The following MYO1B variants were observed in gnomAD, a reference collection of about 807,000 sequenced individuals.
The protein encoded by MYO1B is unconventional myosin-Ib.
A neutral mutation model predicts 159.7 loss-of-function variants in MYO1B; 72 were observed. The observed-to-expected ratio is 0.45, with a 90% CI of 0.37 to 0.55. The LOEUF is 0.55. Ranked by LOEUF, MYO1B falls within the 20% of genes least tolerant of loss-of-function variation. MYO1B has a pLI of 0.00. For synonymous variants in MYO1B, 468 were observed against 473.8 expected, an observed-to-expected ratio of 0.99 and a Z score of 0.16; for missense variants, 1,062 against 1,364.8, an observed-to-expected ratio of 0.78 and a Z score of 3.50.
chr2:191,297,962 A>G (rs1689084172), intron 3 of MYO1B, among the ~76,000 whole-genome samples: 1 of 152,116 alleles, frequency 6.6e-6, no homozygotes, highest in Admixed American at 6.6e-5. Context: ...AGGTTGAGAA[A>G]CCCTGAAATG....
intron 21 of MYO1B, among the ~76,000 whole-genome samples, chr2:191,398,570 C>T (rs1200157465): frequency 1.0e-4 from 15 of 150,378 alleles, no homozygotes; most frequent in Admixed American, 1.3e-4. Flanking sequence ...CGGGCAGAGA[C>T]GCTCCTCACC....
intron 1 of MYO1B, 64 bp from the exon 2 acceptor site, chr2:191,276,823 T>C (rs1687779862): frequency 2.0e-6 from 3 of 1,529,738 alleles, no homozygotes; most frequent in Non-Finnish European, 2.6e-6. Flanking sequence ...TCTGCAGTAG[T>C]GCCAAGAACC....
At chr2:191,288,664 G>A (rs1244567323) in intron 2 of MYO1B, among the ~76,000 whole-genome samples, 2 of 152,160 alleles carry the variant, frequency 1.3e-5, no homozygotes, top group African/African-American at 4.8e-5. Flanking sequence ...TTTGCATAAA[G>A]TTAGCCCTTA....
chr2:191,318,466 G>A (rs1690493346), intron 3 of MYO1B, among the ~76,000 whole-genome samples: 1 of 152,178 alleles, frequency 6.6e-6, no homozygotes, highest in African/African-American at 2.4e-5. Context: ...ATAAAAATAT[G>A]TGTACTATGT....
intron 17 of MYO1B, 145 bp downstream of exon 17, chr2:191,387,595 T>C: frequency 1.3e-6 from 1 of 748,144 alleles, no homozygotes; most frequent in Non-Finnish European, 2.2e-6. Context: ...TATCTGGGAT[T>C]GGCTTAAAAA....
intron 27 of MYO1B, among the ~76,000 whole-genome samples, chr2:191,412,607 C>T (rs1486570404): frequency 6.6e-6 from 1 of 152,196 alleles, no homozygotes; most frequent in Non-Finnish European, 1.5e-5. Flanking sequence ...ACGCTGACCA[C>T]CTACGTGGAT....
chr2:191,260,254 C>CTGTTTTTTTTTTTTTTTTTTTTTTTTTT (rs1553528551), intron 1 of MYO1B, among the ~76,000 whole-genome samples: 1 of 60,962 alleles, frequency 1.6e-5, no homozygotes, highest in Non-Finnish European at 4.0e-5. Flanking sequence ...CCCAGATAGG[C>CTGTTTTTTTTTTTTTTTTTTTTTTTTTT]TTTTTTTTTT....
intron 3 of MYO1B, among the ~76,000 whole-genome samples, chr2:191,319,404 G>A (rs1690558278): frequency 1.3e-5 from 2 of 152,224 alleles, no homozygotes; most frequent in African/African-American, 4.8e-5. Flanking sequence ...AGTCTCTGAC[G>A]GGGCTTCTCT....
intron 2 of MYO1B, among the ~76,000 whole-genome samples, chr2:191,282,294 C>G (rs185165558): frequency 7.2e-5 from 11 of 152,240 alleles, no homozygotes; most frequent in Admixed American, 5.2e-4. Context: ...TTAGCTGAGT[C>G]CTCTATTCAG....
intron 3 of MYO1B, among the ~76,000 whole-genome samples, chr2:191,305,670 A>G (rs536888585): frequency 1.3e-5 from 2 of 152,318 alleles, no homozygotes; most frequent in African/African-American, 4.8e-5. Flanking sequence ...AGCAGCCATA[A>G]AAAAGGTGGG....
At chr2:191,258,546 A>G (rs934981220) in intron 1 of MYO1B, among the ~76,000 whole-genome samples, 4 of 152,222 alleles carry the variant, frequency 2.6e-5, no homozygotes, top group Admixed American at 1.3e-4. Context: ...GAATTTTTCA[A>G]CTGCATTTTA....
chr2:191,336,060 G>A (rs1309791883), intron 4 of MYO1B, among the ~76,000 whole-genome samples: 14 of 152,134 alleles, frequency 9.2e-5, no homozygotes. Context: ...CACTGATGGG[G>A]GCAGGGGGGC....
intron 30 of MYO1B, among the ~76,000 whole-genome samples, chr2:191,417,519 C>T (rs745386006): frequency 4.6e-5 from 7 of 152,188 alleles, no homozygotes; most frequent in Admixed American, 2.6e-4. Flanking sequence ...ATGGGAAGAT[C>T]GTATGTATCC....
intron 1 of MYO1B, among the ~76,000 whole-genome samples, chr2:191,247,603 T>C (rs867346117): frequency 6.6e-6 from 1 of 152,254 alleles, no homozygotes; most frequent in Non-Finnish European, 1.5e-5. Flanking sequence ...TGGCAAAACG[T>C]TGTGCTAGGG....
At chr2:191,248,367 A>G (rs1449667859) in intron 1 of MYO1B, among the ~76,000 whole-genome samples, 1 of 152,214 alleles carries the variant, frequency 6.6e-6, no homozygotes, top group Non-Finnish European at 1.5e-5. Context: ...TAAACCCATC[A>G]TAAGTTGAAA....
Position 191,341,592 on chromosome 2 carries a change from G to A in MYO1B, c.451+27G>A, listed in dbSNP as rs370375521. ...TAGGATGTGTTATGTTCATTAAGTCGGTGTGACTCAAACAGTAGATTGAGT... is the reference window on the plus strand; with the variant it reads ...TAGGATGTGTTATGTTCATTAAGTCAGTGTGACTCAAACAGTAGATTGAGT... On this transcript the variant is annotated intron_variant, in intron 5 of 30. Transcript: ENST00000392318. The A allele has an allele frequency of 4.1e-5, 65 of 1,574,118 alleles. 1 individual carries two copies. In the South Asian group the frequency reaches 6.4e-4, roughly 15 times the overall value.
At chr2:191,333,648 CT>C (rs1440661989) in intron 4 of MYO1B, among the ~76,000 whole-genome samples, 1 of 152,152 alleles carries the variant, frequency 6.6e-6, no homozygotes, top group Non-Finnish European at 1.5e-5. Context: ...TTGATTACCC[CT>C]AATTCCATTT....
At chr2:191,336,940 A>G (rs997663664) in intron 4 of MYO1B, among the ~76,000 whole-genome samples, 8 of 152,210 alleles carry the variant, frequency 5.3e-5, no homozygotes, top group Non-Finnish European at 1.0e-4. Flanking sequence ...CCCTCTCTAT[A>G]TGCCATATGA....
chr2:191,357,993 A>G (rs965263450), intron 7 of MYO1B, among the ~76,000 whole-genome samples: 1 of 152,184 alleles, frequency 6.6e-6, no homozygotes, highest in African/African-American at 2.4e-5. Context: ...TAAGTGGTAA[A>G]ACCTTCAACT....
Sources: gnomAD v4.1 joint callset for allele counts (sites outside exome capture counted in the v4.1 genomes callset) on GRCh38, gnomAD v4.1.1 for gene constraint, MANE v1.5 for transcripts, NCBI Gene and HGNC (gene_info 2026-07-23, HGNC 2026-07-21) for gene names.